PHACTR2: variants seen among roughly 807,000 people sequenced by gnomAD.
PHACTR2 encodes the protein chromosome 6 open reading frame 56.
Under a neutral mutation model 76.0 loss-of-function variants are expected in PHACTR2, and 30 were observed. The ratio of observed to expected loss-of-function variants is 0.39; its 90% CI spans 0.30 to 0.54. The LOEUF (loss-of-function observed/expected upper bound fraction) is 0.54, where lower values mean the gene tolerates loss of function less well. Ranked by LOEUF, PHACTR2 falls within the 20% of genes least tolerant of loss-of-function variation. The pLI, the probability that PHACTR2 is intolerant of heterozygous loss-of-function variation, is 0.61. For missense variants in PHACTR2, 696 were observed against 781.1 expected (o/e 0.89, Z 1.30); for synonymous variants, 292 against 292.5 (o/e 1.00, Z 0.02).
Position 143,624,291 on chromosome 6 carries a change from G to A in PHACTR2, c.13+15969G>A, listed in dbSNP as rs1052733088. On this transcript the variant is annotated intron_variant, in intron 1 of 11. Coordinates refer to the PHACTR2 transcript ENST00000305766. This position sits in a 1 kb window ranked among gnomAD's most constrained non-coding sequence, Gnocchi z 4.6. ...CTGACTAATTTTTGTATTTTTAGGC[G>A]AGACAGGGTTTCCCCCTGTTGGCCA... Among the ~76,000 whole-genome samples the A allele has an allele frequency of 5.3e-5, 8 of 152,154 alleles. No individual in the cohort carries two copies. The highest frequency in any genetic ancestry group is 2.1e-4 in the South Asian group (1 of 4,818).
chr6:143,564,196 C>CATATAT (rs59017997), intron 1 of PHACTR2, among the ~76,000 whole-genome samples: 980 of 40,054 alleles, frequency 0.024, 33 homozygotes, highest in East Asian at 0.03. Context: ...TGTGTGTGTG[C>CATATAT]ATATATATAT....
In PHACTR2 at chr6:143,742,834, C is replaced by T. The variant is rs1181663624; in HGVS notation, c.215-6151C>T. Among the ~76,000 whole-genome samples the T allele has an allele frequency of 6.6e-6, 1 of 152,192 alleles. No homozygotes were observed. Among genetic ancestry groups the T allele is most frequent in the Non-Finnish European group, 1.5e-5 (1 of 68,032 alleles). Reference sequence around the variant, plus strand: ...CACGACATCCCTCAGAAGGCTTAGACTAGAATCATGTGATTATGCAATCGC... The same window carrying T: ...CACGACATCCCTCAGAAGGCTTAGATTAGAATCATGTGATTATGCAATCGC... On this transcript the variant is annotated intron_variant, in intron 2 of 12. Coordinates refer to ENST00000440869, the MANE Select transcript of PHACTR2 (RefSeq NM_001100164.2). The surrounding 1 kb of genome is among the most constrained non-coding windows in gnomAD (Gnocchi z 4.5).
In PHACTR2 at chr6:143,775,492, G is replaced by A. The variant is rs891541845; in HGVS notation, c.1589+1277G>A. ...CCATCTTACCAAGGAAAAACAAGGG[G>A]CCTCTCTGAGGCCCAGAGAGATTAA... On this transcript the variant is annotated intron_variant, in intron 8 of 12. Coordinates refer to ENST00000440869, the MANE Select transcript of PHACTR2 (RefSeq NM_001100164.2). This position sits in a 1 kb window ranked among gnomAD's most constrained non-coding sequence, Gnocchi z 4.4. Among the ~76,000 whole-genome samples, 6 of 152,134 alleles carry A rather than the reference G, an allele frequency of 3.9e-5. No homozygotes were observed. Among genetic ancestry groups the A allele is most frequent in the African/African-American group, 7.2e-5 (3 of 41,422 alleles).
rs929727762 is a variant in PHACTR2 at position 143,539,728 on chromosome 6, C to T, written c.217+2521C>T. ...CGGACCAGCATCTGTGGCCTCATCT[C>T]AGAATCTCAGGCCCCACCCTAGGCC... On this transcript the variant is annotated intron_variant, in intron 1 of 11. Transcript: ENST00000367584. This position sits in a 1 kb window ranked among gnomAD's most constrained non-coding sequence, Gnocchi z 4.3. 6.6e-6 allele frequency among the ~76,000 whole-genome samples: 1 copy of T among 152,186 alleles called. No homozygotes were observed. The highest frequency in any genetic ancestry group is 1.5e-5 in the Non-Finnish European group (1 of 68,028).
chr6:143,707,055 T>C (rs964908257), intron 1 of PHACTR2, among the ~76,000 whole-genome samples: 11 of 152,332 alleles, frequency 7.2e-5, no homozygotes, highest in South Asian at 2.1e-4. Context: ...AATTTTTCTT[T>C]GCCATATGTT....
At position 143,722,444 on chromosome 6, in the gene PHACTR2, ATCT is replaced by A; in HGVS notation, c.214+10266_214+10268del. ...TCTTCAATAGGCCAATTTGGTGAGC[ATCT>A]TCTTGGCATGTCATTTTTTTCTTAA... On this transcript the variant is annotated intron_variant, in intron 2 of 12. Transcript: ENST00000440869. This position sits in a 1 kb window ranked among gnomAD's most constrained non-coding sequence, Gnocchi z 4.1. 6.6e-6 allele frequency among the ~76,000 whole-genome samples: 1 copy of A among 152,128 alleles called. No individual in the cohort carries two copies.
At position 143,722,403 on chromosome 6, in the gene PHACTR2, T is replaced by G. The variant is rs1416275233; in HGVS notation, c.214+10220T>G. 6.6e-6 allele frequency among the ~76,000 whole-genome samples: 1 copy of G among 152,168 alleles called. No homozygotes were observed. Among genetic ancestry groups the G allele is most frequent in the African/African-American group, 2.4e-5 (1 of 41,444 alleles). On this transcript the variant is annotated intron_variant, in intron 2 of 12. Transcript: ENST00000440869. The surrounding 1 kb of genome is among the most constrained non-coding windows in gnomAD (Gnocchi z 4.1). ...TGTGGGTGTTTTCTTCTCTCTTGAA[T>G]TCAACTTTAAGATTCTCTTCAATAG...
In PHACTR2 at chr6:143,689,724, G is replaced by T. The variant is rs561900267; in HGVS notation, c.46+11515G>T. On this transcript the variant is annotated intron_variant, in intron 1 of 12. Coordinates refer to ENST00000440869, the MANE Select transcript of PHACTR2 (RefSeq NM_001100164.2). The surrounding 1 kb of genome is among the most constrained non-coding windows in gnomAD (Gnocchi z 4.4). ...TTTTTTTTTTTTGAGATGGAGTGTC[G>T]CTCTGTTGCCCAGGCTGGAGTGCAG... is the stretch of plus-strand genomic sequence containing the variant. Among the ~76,000 whole-genome samples the T allele has an allele frequency of 3.5e-5, 5 of 141,820 alleles. No homozygotes were observed. Among genetic ancestry groups the T allele is most frequent in the African/African-American group, 1.1e-4 (4 of 37,164 alleles). The allele number at this position is 141,820 out of a possible 152,430, so 93.0% of individuals were successfully genotyped here. A position where few individuals can be genotyped will look rare whatever the true frequency, so the allele number is the denominator to read the frequency against.
intron 1 of PHACTR2, among the ~76,000 whole-genome samples, chr6:143,631,101 G>C (rs904876446): frequency 6.6e-6 from 1 of 152,156 alleles, no homozygotes; most frequent in African/African-American, 2.4e-5. Flanking sequence ...TTTTATAAGA[G>C]GAGTTTTATG....
intron 2 of PHACTR2, among the ~76,000 whole-genome samples, chr6:143,715,296 C>T (rs1778277273): frequency 6.6e-6 from 1 of 152,134 alleles, no homozygotes; most frequent in Non-Finnish European, 1.5e-5. Flanking sequence ...ACTTCTCTTT[C>T]TCTCTTTTGC....
chr6:143,551,221 C>G (rs928356775), intron 1 of PHACTR2, among the ~76,000 whole-genome samples: 2 of 150,014 alleles, frequency 1.3e-5, no homozygotes, highest in Non-Finnish European at 3.0e-5. Context: ...AGTAGATGCC[C>G]GAAACCTGCA....
chr6:143,701,890 A>C (rs956212206), intron 1 of PHACTR2, among the ~76,000 whole-genome samples: 6 of 152,302 alleles, frequency 3.9e-5, no homozygotes, highest in Middle Eastern at 3.4e-3. Flanking sequence ...AGCAATATGA[A>C]GTCATAGAAT....
At chr6:143,568,474 A>G (rs774038275) in intron 1 of PHACTR2, among the ~76,000 whole-genome samples, 11 of 152,344 alleles carry the variant, frequency 7.2e-5, no homozygotes, top group African/African-American at 2.4e-4. Flanking sequence ...CTAGAGCCCA[A>G]CACTTAAGGA....
chr6:143,563,260 G>A (rs1262134503), intron 1 of PHACTR2, among the ~76,000 whole-genome samples: 2 of 152,076 alleles, frequency 1.3e-5, no homozygotes, highest in Non-Finnish European at 2.9e-5. Flanking sequence ...GTGAGACAGG[G>A]CACTATAGGC....
chr6:143,620,432 T>G (rs916182408), intron 1 of PHACTR2, among the ~76,000 whole-genome samples: 4 of 133,504 alleles, frequency 3.0e-5, no homozygotes, highest in Non-Finnish European at 6.2e-5. Context: ...AGAAATGAAG[T>G]TTTTTTTTTT....
rs971242044 is a variant in PHACTR2, at chr6:143,807,736, C to T, written c.1922+603C>T. 2.1e-4 allele frequency among the ~76,000 whole-genome samples: 32 copies of T among 152,134 alleles called. No homozygotes were observed. Among genetic ancestry groups the T allele is most frequent in the Admixed American group, 1.4e-3 (21 of 15,264 alleles). ...ATGGGAATCCTGATTTTACTGGTGA[C>T]GAAGGAGATCGCTATCATCTTACCA... On this transcript the variant is annotated intron_variant, in intron 12 of 12. Transcript: ENST00000440869. The surrounding 1 kb of genome is among the most constrained non-coding windows in gnomAD (Gnocchi z 5.5).
At chr6:143,640,217 A>G (rs995060506) in intron 1 of PHACTR2, among the ~76,000 whole-genome samples, 11 of 152,226 alleles carry the variant, frequency 7.2e-5, no homozygotes, top group Admixed American at 5.9e-4. Flanking sequence ...ACAAATGTCT[A>G]TGTTACCGGT....
intron 1 of PHACTR2, among the ~76,000 whole-genome samples, chr6:143,638,350 G>A (rs1194858023): frequency 6.6e-6 from 1 of 151,964 alleles, no homozygotes; most frequent in Non-Finnish European, 1.5e-5. Flanking sequence ...AACCAGCCTG[G>A]GCAACATAGC....
At chr6:143,699,451 C>T (rs1374311855) in intron 1 of PHACTR2, among the ~76,000 whole-genome samples, 1 of 152,168 alleles carries the variant, frequency 6.6e-6, no homozygotes, top group Non-Finnish European at 1.5e-5. Context: ...GTGCAAAGCC[C>T]ACTTGCTCCT....
Sources: gnomAD v4.1 joint callset for allele counts (sites outside exome capture counted in the v4.1 genomes callset) on GRCh38, gnomAD v4.1.1 for gene constraint, Gnocchi (gnomAD v3.1) non-coding constraint, MANE v1.5 for transcripts, NCBI Gene and HGNC (gene_info 2026-07-23, HGNC 2026-07-21) for gene names.